EIF2B5: variants seen among roughly 807,000 people sequenced by gnomAD.
EIF2B5 encodes eukaryotic translation initiation factor 2B subunit epsilon.
Under a neutral mutation model 87.3 loss-of-function variants are expected in EIF2B5, and 38 were observed. That is an observed-to-expected ratio of 0.44 (90% CI 0.34 to 0.57). The LOEUF (loss-of-function observed/expected upper bound fraction) is 0.57, where lower values mean the gene tolerates loss of function less well. EIF2B5 is among the 20% of genes least tolerant of loss of function. EIF2B5 has a pLI of 0.02. For synonymous variants in EIF2B5, 313 were observed against 339.6 expected, an observed-to-expected ratio of 0.92 and a Z score of 0.86; for missense variants, 784 against 909.5, an observed-to-expected ratio of 0.86 and a Z score of 1.78.
chr3:184,135,792 C>T (rs917295069), intron 1 of EIF2B5: 6 of 654,174 alleles, frequency 9.2e-6, no homozygotes, highest in Non-Finnish European at 1.6e-5. Context: ...CTGTCCACCT[C>T]GGGTTTGAAA....
At chr3:184,139,582 T>C (rs77595644) in intron 5 of EIF2B5, among the ~76,000 whole-genome samples, 1 of 145,770 alleles carries the variant, frequency 6.9e-6, no homozygotes, top group African/African-American at 2.5e-5. Context: ...CACCTGGCCT[T>C]TTTTTTTTTT....
At chr3:184,135,776 G>A in intron 1 of EIF2B5, 196 bp downstream of exon 1, 1 of 702,910 alleles carries the variant, frequency 1.4e-6, no homozygotes, top group South Asian at 1.8e-5. Flanking sequence ...TTGGGCATTC[G>A]TAATGCTGTC....
chr3:184,143,164 T>C, intron 12 of EIF2B5, 22 bp downstream of exon 12: 1 of 1,609,726 alleles, frequency 6.2e-7, no homozygotes, highest in South Asian at 1.1e-5. Context: ...CCCTCCCTGT[T>C]CTCCTCGGGG....
At position 184,145,034 on chromosome 3, in the gene EIF2B5, G is replaced by GACCACCATCCAGGCTGAGAC. The variant is rs1309780525; in HGVS notation, c.*92_*111dup. Reference sequence around the variant, plus strand: ...AGGAACTAGCTGCAGAGGGATGAGTGACCACCATCCAGGCTGAGACTGAAA... The same window carrying GACCACCATCCAGGCTGAGAC: ...AGGAACTAGCTGCAGAGGGATGAGTGACCACCATCCAGGCTGAGACACCACCATCCAGGCTGAGACTGAAA... On this transcript the variant is annotated 3_prime_UTR_variant, in exon 16 of 16. Transcript: ENST00000648915. The surrounding 1 kb of genome is among the most constrained non-coding windows in gnomAD (Gnocchi z 4.0). 1 of 1,188,354 alleles carries GACCACCATCCAGGCTGAGAC rather than the reference G, an allele frequency of 8.4e-7. No homozygotes were observed. The highest frequency in any genetic ancestry group is 1.2e-6 in the Non-Finnish European group (1 of 804,762). 73.6% of individuals were successfully genotyped at this position (1,188,354 alleles called of 1,614,324 possible).
At chr3:184,140,257 T>TA in intron 6 of EIF2B5, 100 bp downstream of exon 6, 1 of 1,439,000 alleles carries the variant, frequency 6.9e-7, no homozygotes, top group South Asian at 1.2e-5. Flanking sequence ...TATTGAGGCT[T>TA]AGGAGGGAGG....
In EIF2B5 at chr3:184,135,526, G is replaced by C; in HGVS notation, c.141G>C (p.Leu47=). The C allele has an allele frequency of 6.3e-7, 1 of 1,590,534 alleles. No homozygotes were observed. Among genetic ancestry groups the C allele is most frequent in the Non-Finnish European group, 8.6e-7 (1 of 1,169,430 alleles). ...CGCCGCCGCCCCTACAAGCAGTTCT[G>C]GTGGCCGATAGCTTCGATCGCCGCT... The part of the protein sequence containing the change: ...EEPPPPLQAV[L]VADSFDRRFF... The change falls in exon 1 of 16, where the codon CTG becomes CTC. Residue 47 remains leucine, a synonymous_variant. Transcript: ENST00000648915.
chr3:184,139,789 G>C (rs1376854677), intron 5 of EIF2B5, among the ~76,000 whole-genome samples: 1 of 151,208 alleles, frequency 6.6e-6, no homozygotes, highest in Non-Finnish European at 1.5e-5. Flanking sequence ...AGGCCGAGGT[G>C]AGTGGATCAT....
rs113509398 is a variant in EIF2B5 at position 184,140,217 on chromosome 3, T to C, written c.843+60T>C. The C allele has an allele frequency of 7.0e-4, 1,080 of 1,547,860 alleles. 6 individuals carry two copies. In the African/African-American group the frequency reaches 9.7e-3, roughly 14 times the overall value. The stretch of plus-strand genomic sequence containing the variant: ...AGGAGAAGGCTATGATTGTATCTCA[T>C]GCTGGTAACTTTTGATCTTTTTTGT... On this transcript the variant is annotated intron_variant, in intron 6 of 15. Coordinates refer to ENST00000648915, the MANE Select transcript of EIF2B5 (RefSeq NM_003907.3).
At chr3:184,144,312 T>C (rs929811134) in intron 14 of EIF2B5, 88 bp downstream of exon 14, 33 of 1,592,476 alleles carry the variant, frequency 2.1e-5, no homozygotes, top group Non-Finnish European at 2.8e-5. Flanking sequence ...TAGAAGCTAA[T>C]GTGAATCCAG....
intron 13 of EIF2B5, 160 bp downstream of exon 13, chr3:184,143,725 G>A (rs1713742852): frequency 9.5e-7 from 1 of 1,051,236 alleles, no homozygotes; most frequent in Non-Finnish European, 1.4e-6. Context: ...GTTCAGAGGG[G>A]TCAGATTGAG....
At position 184,142,255 on chromosome 3, in the gene EIF2B5, A is replaced by G. The variant is rs769493596; in HGVS notation, c.1321A>G (p.Ile441Val). 1 of 1,614,042 alleles carries G rather than the reference A, an allele frequency of 6.2e-7. No homozygotes were observed. ...LTSQVVVGPN[I>V]TLPEGSVISL... ...CCCTTAGGTGGTCGTGGGCCCAAAT[A>G]TCACGCTGCCTGAGGGCTCGGTGAT... Residue 441 changes from isoleucine (I) to valine (V), a missense_variant, in exon 9 of 16, where the codon ATC (isoleucine) becomes GTC (valine). By Grantham distance (29) the Ile-to-Val change is conservative. Around this residue, in one of 3 missense-constraint regions of EIF2B5, gnomAD observed 660 missense variants for 789.5 expected, o/e 0.84. Coordinates refer to ENST00000648915, the MANE Select transcript of EIF2B5 (RefSeq NM_003907.3). The surrounding 1 kb of genome is among the most constrained non-coding windows in gnomAD (Gnocchi z 5.0).
Position 184,137,495 on chromosome 3 carries a change from G to T in EIF2B5, c.321-125G>T, listed in dbSNP as rs143693426. ...CATAATACTCTTTGAAGTTGAAGAC[G>T]CTGGCAAGAACCCAAAAAAGCCATC... On this transcript the variant is annotated intron_variant, in intron 2 of 15. Transcript: ENST00000648915. The T allele has an allele frequency of 1.3e-5, 11 of 869,120 alleles. No individual in the cohort carries two copies. In the East Asian group the frequency reaches 2.5e-4, roughly 20 times the overall value. The allele number at this position is 869,120 out of a possible 1,614,324, so 53.8% of individuals were successfully genotyped here.
In EIF2B5 at chr3:184,137,905, C is replaced by A. The variant is rs373147037; in HGVS notation, c.514C>A (p.Arg172=). 2 of 1,614,016 alleles carry A rather than the reference C, an allele frequency of 1.2e-6. No individual in the cohort carries two copies. Among genetic ancestry groups the A allele is most frequent in the East Asian group, 4.5e-5 (2 of 44,902 alleles). The change falls in exon 4 of 16, where the codon CGG becomes AGG. Residue 172 remains arginine (R), a synonymous_variant. Coordinates refer to ENST00000648915, the MANE Select transcript of EIF2B5 (RefSeq NM_003907.3). ...CCCTCCTGTCCTTTATAGGTTGAGA[C>A]GGAAGCTAGAAAAAAATGTTTCTGT... The part of the protein sequence containing the change: ...TRALEEHRLR[R]KLEKNVSVMT...
rs747307470 is a variant in EIF2B5, at chr3:184,140,582, T to C, written c.1008T>C (p.Thr336=). The change falls in exon 7 of 16, where the codon ACT becomes ACC. Residue 336 remains threonine (T), a synonymous_variant. Coordinates refer to ENST00000648915, the MANE Select transcript of EIF2B5 (RefSeq NM_003907.3). ...NFTDSTTQSC[T]HSRHNIYRGP... is the part of the protein sequence containing the mutation. ...CTGACAGCACCACCCAGAGCTGCAC[T>C]CATTCCCGGCACAACATCTACCGAG... 1 of 1,614,134 alleles carries C rather than the reference T, an allele frequency of 6.2e-7. No individual in the cohort carries two copies. Among genetic ancestry groups the C allele is most frequent in the Non-Finnish European group, 8.5e-7 (1 of 1,180,014 alleles).
Position 184,144,195 on chromosome 3 carries a change from C to T in EIF2B5, c.1966C>T (p.His656Tyr). Residue 656 changes from histidine to tyrosine, a missense_variant, in exon 14 of 16, where the codon CAT becomes TAT. Around this residue, in one of 3 missense-constraint regions of EIF2B5, gnomAD observed 660 missense variants for 789.5 expected, o/e 0.84. Coordinates refer to ENST00000648915, the MANE Select transcript of EIF2B5 (RefSeq NM_003907.3). ...AGCCATTGAGGACTTCTTCCTAGAG[C>T]ATGAAGCTCTTGGTATTTCCATGGC... ...LAAIEDFFLE[H>Y]EALGISMAKV... 6.2e-7 allele frequency: 1 copy of T among 1,614,194 alleles called. No individual in the cohort carries two copies. Among genetic ancestry groups the T allele is most frequent in the Non-Finnish European group, 8.5e-7 (1 of 1,180,040 alleles).
rs573842320 is a variant in EIF2B5, at chr3:184,142,438, T to C, written c.1444+60T>C. On this transcript the variant is annotated intron_variant, in intron 9 of 15. Transcript: ENST00000648915. This position sits in a 1 kb window ranked among gnomAD's most constrained non-coding sequence, Gnocchi z 5.0. Reference sequence around the variant, plus strand: ...TCTCGCTGCCTCATAGAAGAACCAGTGTTTCCTCCTGGAGGGATTGGTGCT... The same window carrying C: ...TCTCGCTGCCTCATAGAAGAACCAGCGTTTCCTCCTGGAGGGATTGGTGCT... 2.0e-5 allele frequency: 33 copies of C among 1,614,180 alleles called. No homozygotes were observed. Among genetic ancestry groups the C allele is most frequent in the Non-Finnish European group, 4.2e-6 (5 of 1,180,016 alleles).
In EIF2B5 at chr3:184,142,856, G is replaced by A. The variant is rs953744504; in HGVS notation, c.1624G>A (p.Gly542Arg). Residue 542 changes from glycine (G) to arginine (R), a missense_variant, in exon 11 of 16, where the codon GGA becomes AGA. Gly to Arg is a moderately radical substitution (Grantham distance 125, BLOSUM62 -2). This residue lies in a region of EIF2B5 where 660 missense variants were observed against 789.5 expected (regional missense o/e 0.84). Transcript: ENST00000648915. This position sits in a 1 kb window ranked among gnomAD's most constrained non-coding sequence, Gnocchi z 5.0. ...SMDSEEPDSRGGSPQMDDIKV... is the reference protein window; with the variant it reads ...SMDSEEPDSRRGSPQMDDIKV... ...GGATTCTGAGGAGCCGGACAGCCGG[G>A]GAGGCTCCCCTCAGATGGATGACAT... The A allele has an allele frequency of 2.5e-6, 4 of 1,613,928 alleles. No homozygotes were observed. The highest frequency in any genetic ancestry group is 4.5e-5 in the East Asian group (2 of 44,898).
rs547667608 is a variant in EIF2B5 at position 184,135,730 on chromosome 3, C to T, written c.195+150C>T. On this transcript the variant is annotated intron_variant, in intron 1 of 15. Coordinates refer to ENST00000648915, the MANE Select transcript of EIF2B5 (RefSeq NM_003907.3). The stretch of plus-strand genomic sequence containing the variant: ...CCGGATGCAGAGGGACTGTCTAAAC[C>T]CTGATGACTGCTGACCAAGTTAGTG... 15 of 1,115,652 alleles carry T rather than the reference C, an allele frequency of 1.3e-5. No homozygotes were observed. In the African/African-American group the frequency reaches 1.7e-4, roughly 13 times the overall value. The allele number at this position is 1,115,652 out of a possible 1,614,324, so 69.1% of individuals were successfully genotyped here.
rs1713697508 is a variant in EIF2B5, at chr3:184,142,787, A to G, written c.1555A>G (p.Ile519Val). 3.7e-6 allele frequency: 6 copies of G among 1,613,832 alleles called. No homozygotes were observed. In the South Asian group the frequency reaches 4.4e-5, roughly 12 times the overall value. ...ELQQNLWGLK[I>V]NMEEESESES... ...CCATTATGGCTTCTCAGGACTCAAG[A>G]TCAACATGGAAGAAGAGAGTGAAAG... Residue 519 changes from isoleucine to valine, a missense_variant, in exon 11 of 16, where the codon ATC becomes GTC. Coordinates refer to ENST00000648915, the MANE Select transcript of EIF2B5 (RefSeq NM_003907.3). The surrounding 1 kb of genome is among the most constrained non-coding windows in gnomAD (Gnocchi z 5.0).
Sources: gnomAD v4.1 joint callset for allele counts (sites outside exome capture counted in the v4.1 genomes callset) on GRCh38, gnomAD v4.1.1 for gene constraint, gnomAD v4.1.1 regional missense constraint, Gnocchi (gnomAD v3.1) non-coding constraint, MANE v1.5 for transcripts, NCBI Gene and HGNC (gene_info 2026-07-23, HGNC 2026-07-21) for gene names.